CTNNA3: variants seen among roughly 807,000 people sequenced by gnomAD.
CTNNA3 encodes catenin alpha-3.
Under a neutral mutation model 95.7 loss-of-function variants are expected in CTNNA3, and 76 were observed. The ratio of observed to expected loss-of-function variants is 0.79; its 90% CI spans 0.66 to 0.96. The LOEUF (loss-of-function observed/expected upper bound fraction) is 0.96. Ranked by LOEUF, CTNNA3 falls within the 40% of genes least tolerant of loss-of-function variation. The pLI, the probability that CTNNA3 is intolerant of heterozygous loss-of-function variation, is 0.00. For missense variants in CTNNA3, 1,191 were observed against 1,089.8 expected, an observed-to-expected ratio of 1.09 and a Z score of -1.31; for synonymous variants, 431 against 374.4, an observed-to-expected ratio of 1.15 and a Z score of -1.74.
chr10:67,430,471 C>T (rs1846072457), intron 5 of CTNNA3, among the ~76,000 whole-genome samples: 1 of 151,824 alleles, frequency 6.6e-6, no homozygotes, highest in African/African-American at 2.4e-5. Flanking sequence ...TTAGGAACTT[C>T]TACTCCAAAG....
At chr10:66,809,814 T>TC (rs1034001187) in intron 7 of CTNNA3, among the ~76,000 whole-genome samples, 4 of 151,834 alleles carry the variant, frequency 2.6e-5, no homozygotes, top group Admixed American at 6.6e-5. Flanking sequence ...TTCTTTTTTT[T>TC]TTTTTTTGAG....
intron 7 of CTNNA3, among the ~76,000 whole-genome samples, chr10:67,146,519 C>G (rs1006344137): frequency 6.6e-5 from 10 of 152,054 alleles, no homozygotes; most frequent in African/African-American, 1.9e-4. Flanking sequence ...TCACATAAAC[C>G]CATCTCAGAG....
At chr10:67,626,637 T>G (rs1342426268) in intron 2 of CTNNA3, among the ~76,000 whole-genome samples, 1 of 152,166 alleles carries the variant, frequency 6.6e-6, no homozygotes, top group Admixed American at 6.5e-5. Flanking sequence ...TGTTTTGGGG[T>G]TCTCTGTTTT....
chr10:66,916,658 G>T (rs1846508961), intron 7 of CTNNA3, among the ~76,000 whole-genome samples: 1 of 152,118 alleles, frequency 6.6e-6, no homozygotes, highest in African/African-American at 2.4e-5. Flanking sequence ...GTGGAAAAAT[G>T]TCCAAAAAGA....
At chr10:66,384,224 T>C (rs1027549342) in intron 11 of CTNNA3, among the ~76,000 whole-genome samples, 2 of 152,028 alleles carry the variant, frequency 1.3e-5, no homozygotes, top group Non-Finnish European at 2.9e-5. Context: ...AAGATGCATA[T>C]AGGCTCAAAA....
chr10:67,044,796 T>C lies in CTNNA3; in HGVS notation c.1047+135521A>G, dbSNP rs576031248. Among the ~76,000 whole-genome samples the C allele has an allele frequency of 9.8e-5, 15 of 152,340 alleles. No homozygotes were observed. In the South Asian group the frequency reaches 3.1e-3, roughly 32 times the overall value. ...TCAGCCTAGCACAGTGGAAAGATCA[T>C]GGTCTTTGGAGCCAAGAAAAAACTG... On this transcript the variant is annotated intron_variant, in intron 7 of 17. Transcript: ENST00000433211.
At chr10:66,957,567 G>A (rs1302383552) in intron 7 of CTNNA3, among the ~76,000 whole-genome samples, 2 of 151,650 alleles carry the variant, frequency 1.3e-5, no homozygotes, top group East Asian at 3.9e-4. Context: ...CCCAGTCCCA[G>A]CACTGGTGCT....
At chr10:66,989,415 T>C (rs910937154) in intron 7 of CTNNA3, among the ~76,000 whole-genome samples, 1 of 152,196 alleles carries the variant, frequency 6.6e-6, no homozygotes, top group Non-Finnish European at 1.5e-5. Context: ...TATTTGTAGG[T>C]ATAACAGAAT....
At chr10:67,576,757 A>G (rs1201161130) in intron 3 of CTNNA3, among the ~76,000 whole-genome samples, 1 of 99,802 alleles carries the variant, frequency 1.0e-5, no homozygotes, top group African/African-American at 5.4e-5. Context: ...TCCTGTGTCC[A>G]TGTGTTCTCA....
intron 7 of CTNNA3, among the ~76,000 whole-genome samples, chr10:67,140,505 A>G (rs964622594): frequency 3.3e-5 from 5 of 152,196 alleles, no homozygotes; most frequent in Admixed American, 6.5e-5. Flanking sequence ...AATTTAAAAT[A>G]ATTTTTTTAA....
intron 16 of CTNNA3, among the ~76,000 whole-genome samples, chr10:65,978,348 T>C (rs1460305611): frequency 6.6e-6 from 1 of 152,146 alleles, no homozygotes; most frequent in Non-Finnish European, 1.5e-5. Flanking sequence ...TTATTGATTT[T>C]CATAAATATT....
intron 15 of CTNNA3, among the ~76,000 whole-genome samples, chr10:66,008,608 A>G (rs1198084526): frequency 2.0e-5 from 3 of 152,314 alleles, no homozygotes; most frequent in East Asian, 1.9e-4. Context: ...CTATACGTCT[A>G]TGTTTCTTTA....
chr10:65,927,651 A>G (rs943919632), intron 17 of CTNNA3, among the ~76,000 whole-genome samples: 3 of 152,178 alleles, frequency 2.0e-5, no homozygotes, highest in Non-Finnish European at 4.4e-5. Context: ...TTTATTGCTG[A>G]GAAGTATTAC....
intron 5 of CTNNA3, among the ~76,000 whole-genome samples, chr10:67,431,367 A>G (rs1846107399): frequency 6.6e-6 from 1 of 151,942 alleles, no homozygotes; most frequent in Non-Finnish European, 1.5e-5. Flanking sequence ...CTCATGAACT[A>G]CCTTTACTGG....
At chr10:66,678,842 T>A (rs911292249) in intron 9 of CTNNA3, among the ~76,000 whole-genome samples, 1 of 152,130 alleles carries the variant, frequency 6.6e-6, no homozygotes, top group Admixed American at 6.6e-5. Context: ...TGTGTGTGTG[T>A]GTGCACGCAA....
chr10:66,609,112 T>C (rs1477193037), intron 10 of CTNNA3, among the ~76,000 whole-genome samples: 1 of 151,866 alleles, frequency 6.6e-6, no homozygotes, highest in East Asian at 1.9e-4. Context: ...CAGGCTGGAC[T>C]GCAGTGGTGT....
At chr10:67,515,500 A>C (rs1186879489) in intron 5 of CTNNA3, among the ~76,000 whole-genome samples, 1 of 152,232 alleles carries the variant, frequency 6.6e-6, no homozygotes, top group Non-Finnish European at 1.5e-5. Context: ...GTTTGAACTT[A>C]GCACACTGTT....
At chr10:67,488,106 G>A (rs2133071547) in intron 5 of CTNNA3, among the ~76,000 whole-genome samples, 2 of 152,268 alleles carry the variant, frequency 1.3e-5, no homozygotes, top group South Asian at 2.1e-4. Flanking sequence ...TTCGAAATTG[G>A]AGGTTCTTGG....
chr10:66,386,734 G>A (rs2092896000), intron 11 of CTNNA3, among the ~76,000 whole-genome samples: 1 of 152,082 alleles, frequency 6.6e-6, no homozygotes. Context: ...GCATGATACT[G>A]GTACCAAAAC....
Sources: allele counts gnomAD v4.1 joint callset (sites outside exome capture counted in the v4.1 genomes callset), GRCh38; gene constraint gnomAD v4.1.1; transcripts MANE v1.5; gene names NCBI Gene and HGNC (gene_info 2026-07-23, HGNC 2026-07-21).